Variants in EPHA6 observed in about 807,000 individuals in gnomAD.
EPHA6 encodes the protein ephrin type-A receptor 6.
A neutral mutation model predicts 112.0 loss-of-function variants in EPHA6; 50 were observed. That is an observed-to-expected ratio of 0.45 (90% confidence interval 0.36 to 0.56). EPHA6 has a LOEUF of 0.56. EPHA6 is among the 20% of genes least tolerant of loss of function. The pLI, the probability that EPHA6 is intolerant of heterozygous loss-of-function variation, is 0.00. For missense variants in EPHA6, 1,280 were observed against 1,417.4 expected (o/e 0.90, Z 1.56); for synonymous variants, 529 against 490.7 (o/e 1.08, Z -1.03).
intron 3 of EPHA6, among the ~76,000 whole-genome samples, chr3:97,085,145 C>A (rs2046853138): frequency 6.6e-6 from 1 of 152,102 alleles, no homozygotes; most frequent in South Asian, 2.1e-4. Flanking sequence ...AGCTTAATAT[C>A]ATCAATTAAA....
chr3:97,592,646 C>A lies in EPHA6; in HGVS notation c.2421C>A (p.Cys807Ter). 3 of 1,613,510 alleles carry A rather than the reference C, an allele frequency of 1.9e-6. No homozygotes were observed. The highest frequency in any genetic ancestry group is 2.5e-6 in the Non-Finnish European group (3 of 1,179,720). ...SFPAIGVEAF[C>*]PSFLRAGFLN... is the part of the protein sequence containing the mutation. ...CGGCCATTGGGGTGGAGGCGTTTTG[C>A]CCCAGCTTCCTGAGGGCAGGGTTTT... Residue 807 changes from cysteine to a stop codon, truncating the protein, a stop_gained, in exon 12 of 18, where the codon TGC (cysteine) becomes TGA (stop). Coordinates refer to ENST00000389672, the MANE Select transcript of EPHA6 (RefSeq NM_001080448.3). LOFTEE classifies it high-confidence loss of function.
intron 11 of EPHA6, among the ~76,000 whole-genome samples, chr3:97,555,778 G>GT (rs1425842103): frequency 1.3e-5 from 2 of 151,896 alleles, no homozygotes; most frequent in African/African-American, 2.4e-5. Flanking sequence ...GGGGTTGTTT[G>GT]TTTTTTTCTT....
At chr3:97,640,721 G>T (rs368942449) in intron 14 of EPHA6, among the ~76,000 whole-genome samples, 1 of 151,816 alleles carries the variant, frequency 6.6e-6, no homozygotes, top group African/African-American at 2.4e-5. Context: ...CGGAGGTTGC[G>T]ATGAACTGAG....
At chr3:97,570,923 A>G (rs928209351) in intron 11 of EPHA6, among the ~76,000 whole-genome samples, 6 of 152,178 alleles carry the variant, frequency 3.9e-5, no homozygotes, top group African/African-American at 1.4e-4. Flanking sequence ...TTCCACCAGC[A>G]CTGTAGAGTC....
chr3:97,642,477 C>A (rs1003281137), intron 14 of EPHA6, among the ~76,000 whole-genome samples: 2 of 144,958 alleles, frequency 1.4e-5, no homozygotes, highest in Non-Finnish European at 3.0e-5. Context: ...AGGCTTCAGA[C>A]GATCAAATTA....
intron 11 of EPHA6, among the ~76,000 whole-genome samples, chr3:97,557,270 G>A (rs1404778139): frequency 1.3e-5 from 2 of 151,684 alleles, no homozygotes; most frequent in South Asian, 2.1e-4. Flanking sequence ...GTATCTGCTG[G>A]GTATCATTTT....
chr3:97,681,395 G>C (rs2031850083), intron 14 of EPHA6, among the ~76,000 whole-genome samples: 1 of 151,910 alleles, frequency 6.6e-6, no homozygotes, highest in African/African-American at 2.4e-5. Context: ...TGAGAATAAA[G>C]ACTTATGTAC....
chr3:97,306,231 T>C (rs569079114), intron 5 of EPHA6, among the ~76,000 whole-genome samples: 1 of 151,018 alleles, frequency 6.6e-6, no homozygotes, highest in Non-Finnish European at 1.5e-5. Flanking sequence ...AACACATTTA[T>C]ATAAATTATC....
intron 2 of EPHA6, among the ~76,000 whole-genome samples, chr3:96,876,208 G>A (rs1438579747): frequency 6.7e-6 from 1 of 149,578 alleles, no homozygotes; most frequent in African/African-American, 2.5e-5. Flanking sequence ...GGGCTCAAGT[G>A]ATCCTCCATG....
intron 1 of EPHA6, among the ~76,000 whole-genome samples, chr3:96,847,638 T>C (rs1256563524): frequency 1.3e-5 from 2 of 152,154 alleles, no homozygotes; most frequent in Non-Finnish European, 2.9e-5. Context: ...TCTAGGGTTG[T>C]AATCTTTAAG....
rs2092647497 is a variant in EPHA6 at position 97,528,045 on chromosome 3, GAT to G, written c.2201-4310_2201-4309del. Reference sequence around the variant, plus strand: ...TCTTAGCTATAGAAAGGGAAGGAAAGATATGAGAATAAAGCTATAATTGGTTT... The same window carrying G: ...TCTTAGCTATAGAAAGGGAAGGAAAGATGAGAATAAAGCTATAATTGGTTT... On this transcript the variant is annotated intron_variant, in intron 10 of 17. Coordinates refer to ENST00000389672, the MANE Select transcript of EPHA6 (RefSeq NM_001080448.3). Among the ~76,000 whole-genome samples the G allele has an allele frequency of 2.0e-5, 3 of 152,076 alleles. No individual in the cohort carries two copies. The South Asian group carries it at 6.2e-4, about 32-fold the overall frequency.
At chr3:97,501,982 C>A (rs1039729562) in intron 10 of EPHA6, among the ~76,000 whole-genome samples, 5 of 151,776 alleles carry the variant, frequency 3.3e-5, no homozygotes, top group African/African-American at 4.9e-5. Context: ...AAGTAGAGGC[C>A]ATGTCTGTGC....
At position 97,759,938 on chromosome 3, in the gene EPHA6, G is replaced by A. The variant is rs1217345397; in HGVS notation, c.*11237G>A. ...CTCTGGTAAGAGTCCTTTCCATAATGTAGAGATTGAGAACTTCTCAATGCC... is the reference window on the plus strand; with the variant it reads ...CTCTGGTAAGAGTCCTTTCCATAATATAGAGATTGAGAACTTCTCAATGCC... On this transcript the variant is annotated 3_prime_UTR_variant, in exon 18 of 18. Coordinates refer to ENST00000389672, the MANE Select transcript of EPHA6 (RefSeq NM_001080448.3). The A allele has an allele frequency of 5.1e-6, 1 of 195,510 alleles. No individual in the cohort carries two copies. Among genetic ancestry groups the A allele is most frequent in the Non-Finnish European group, 1.1e-5 (1 of 93,964 alleles). 12.1% of individuals were successfully genotyped at this position (195,510 alleles called of 1,614,324 possible).
chr3:97,257,912 T>C (rs1310403742), intron 5 of EPHA6, among the ~76,000 whole-genome samples: 2 of 152,044 alleles, frequency 1.3e-5, no homozygotes, highest in African/African-American at 4.8e-5. Context: ...TATGTGACAA[T>C]TGATGTACAC....
intron 14 of EPHA6, among the ~76,000 whole-genome samples, chr3:97,673,555 G>C (rs368418172): frequency 6.6e-6 from 1 of 152,126 alleles, no homozygotes; most frequent in Non-Finnish European, 1.5e-5. Flanking sequence ...GGCCCAAAAG[G>C]GTAAGATGAG....
At chr3:97,161,862 A>G (rs2076423506) in intron 3 of EPHA6, among the ~76,000 whole-genome samples, 1 of 152,210 alleles carries the variant, frequency 6.6e-6, no homozygotes, top group Admixed American at 6.5e-5. Flanking sequence ...TGTTGTGGAA[A>G]GGAATTAAAT....
intron 6 of EPHA6, among the ~76,000 whole-genome samples, chr3:97,407,043 A>T (rs2087393604): frequency 6.6e-6 from 1 of 152,166 alleles, no homozygotes. Context: ...TAGAAAAATC[A>T]CTGTCTAATT....
rs76782047 is a variant in EPHA6, at chr3:97,548,399, G to A, written c.2386+15856G>A. ...ATCTTCTAGATTACTACACTATAAAGTTATTTTTCCCTTTTTGTAAAAAAT... is the reference window on the plus strand; with the variant it reads ...ATCTTCTAGATTACTACACTATAAAATTATTTTTCCCTTTTTGTAAAAAAT... On this transcript the variant is annotated intron_variant, in intron 11 of 17. Coordinates refer to ENST00000389672, the MANE Select transcript of EPHA6 (RefSeq NM_001080448.3). 4.5e-3 allele frequency among the ~76,000 whole-genome samples: 688 copies of A among 152,214 alleles called. 8 individuals carry two copies. Among genetic ancestry groups the A allele is most frequent in the African/African-American group, 0.015 (614 of 41,534 alleles).
intron 1 of EPHA6, among the ~76,000 whole-genome samples, chr3:96,833,778 C>T (rs569310246): frequency 8.6e-5 from 13 of 152,016 alleles, no homozygotes; most frequent in African/African-American, 2.6e-4. Flanking sequence ...CATTTTGTTG[C>T]ATTAAGAACA....
Sources: allele counts gnomAD v4.1 joint callset (sites outside exome capture counted in the v4.1 genomes callset), GRCh38; gene constraint gnomAD v4.1.1; transcripts MANE v1.5; gene names NCBI Gene and HGNC (gene_info 2026-07-23, HGNC 2026-07-21).